Variants in CSGALNACT1 observed in about 807,000 individuals in gnomAD.
The protein encoded by CSGALNACT1 is chondroitin sulfate N-acetylgalactosaminyltransferase 1.
Under a neutral mutation model 51.0 loss-of-function variants are expected in CSGALNACT1, and 52 were observed. That is an observed-to-expected ratio of 1.02 (90% CI 0.82 to 1.29). The LOEUF (loss-of-function observed/expected upper bound fraction) is 1.29, where lower values mean the gene tolerates loss of function less well. CSGALNACT1 is among the 50% of genes most tolerant of loss of function. CSGALNACT1 has a pLI of 0.00. For synonymous variants in CSGALNACT1, 341 were observed against 254.4 expected (o/e 1.34, Z -3.24); for missense variants, 935 against 679.2 (o/e 1.38, Z -4.19).
intron 3 of CSGALNACT1, among the ~76,000 whole-genome samples, chr8:19,577,654 C>A (rs1468859430): frequency 6.6e-6 from 1 of 151,396 alleles, no homozygotes; most frequent in Non-Finnish European, 1.5e-5. Context: ...GTTAGCATGC[C>A]AGACAACGAA....
intron 1 of CSGALNACT1, among the ~76,000 whole-genome samples, chr8:19,733,368 T>A (rs1399718609): frequency 6.6e-6 from 1 of 152,216 alleles, no homozygotes; most frequent in Non-Finnish European, 1.5e-5. Context: ...TAATGTGGAA[T>A]TCTATTTAAG....
chr8:19,616,021 C>T (rs974544146), intron 1 of CSGALNACT1, among the ~76,000 whole-genome samples: 2 of 151,914 alleles, frequency 1.3e-5, no homozygotes, highest in South Asian at 2.1e-4. Flanking sequence ...AGGAAAATTA[C>T]CAAGACACTG....
chr8:19,637,452 A>C (rs2056224207), intron 1 of CSGALNACT1, among the ~76,000 whole-genome samples: 1 of 152,140 alleles, frequency 6.6e-6, no homozygotes, highest in East Asian at 1.9e-4. Flanking sequence ...TTGTATGATA[A>C]TGTCATAAGC....
chr8:19,462,602 G>T (rs987956062), intron 4 of CSGALNACT1, among the ~76,000 whole-genome samples: 1 of 152,158 alleles, frequency 6.6e-6, no homozygotes, highest in Non-Finnish European at 1.5e-5. Context: ...GCCATGGTCA[G>T]TGGTTCCAGG....
intron 1 of CSGALNACT1, among the ~76,000 whole-genome samples, chr8:19,699,045 C>CT (rs374865661): frequency 7.3e-5 from 11 of 151,532 alleles, no homozygotes; most frequent in Admixed American, 2.0e-4. Flanking sequence ...TTCTTTTTTT[C>CT]TTTTTTTTGC....
At chr8:19,694,245 G>A (rs2061474001) in intron 1 of CSGALNACT1, among the ~76,000 whole-genome samples, 1 of 152,112 alleles carries the variant, frequency 6.6e-6, no homozygotes, top group South Asian at 2.1e-4. Context: ...AAACTAAAGA[G>A]AGAACACAGT....
chr8:19,678,104 CA>C (rs2060328576), intron 1 of CSGALNACT1, among the ~76,000 whole-genome samples: 1 of 150,752 alleles, frequency 6.6e-6, no homozygotes, highest in Non-Finnish European at 1.5e-5. Flanking sequence ...ACTCTTATCT[CA>C]AACAAACAAA....
chr8:19,722,782 TC>T (rs1238862489), intron 1 of CSGALNACT1, among the ~76,000 whole-genome samples: 1 of 152,136 alleles, frequency 6.6e-6, no homozygotes, highest in Non-Finnish European at 1.5e-5. Flanking sequence ...CAGCACCAGC[TC>T]CTCTTTTGCA....
chr8:19,475,964 A>T (rs1247740555), intron 4 of CSGALNACT1, among the ~76,000 whole-genome samples: 3 of 152,156 alleles, frequency 2.0e-5, no homozygotes, highest in Non-Finnish European at 4.4e-5. Flanking sequence ...ACTAAATGAA[A>T]CATGACTTGC....
chr8:19,612,078 C>G (rs1181383832), intron 1 of CSGALNACT1, among the ~76,000 whole-genome samples: 2 of 152,152 alleles, frequency 1.3e-5, no homozygotes, highest in Non-Finnish European at 2.9e-5. Flanking sequence ...CACAGTGGTT[C>G]ACGCCTATAA....
chr8:19,476,656 C>T (rs1187750636), intron 4 of CSGALNACT1, among the ~76,000 whole-genome samples: 1 of 152,176 alleles, frequency 6.6e-6, no homozygotes, highest in African/African-American at 2.4e-5. Context: ...AGTGAGGCAA[C>T]ACAGCTTCCA....
chr8:19,561,303 A>G (rs1183906436), intron 3 of CSGALNACT1, among the ~76,000 whole-genome samples: 3 of 152,188 alleles, frequency 2.0e-5, no homozygotes, highest in Admixed American at 2.0e-4. Context: ...TTTTGTACAT[A>G]TTTTTGGTCT....
chr8:19,691,724 T>A (rs920292933), intron 1 of CSGALNACT1, among the ~76,000 whole-genome samples: 1 of 152,170 alleles, frequency 6.6e-6, no homozygotes, highest in African/African-American at 2.4e-5. Context: ...CCTCAGCTCC[T>A]CTGCTGTAAG....
chr8:19,485,325 T>C (rs900135424), intron 4 of CSGALNACT1, among the ~76,000 whole-genome samples: 8 of 152,100 alleles, frequency 5.3e-5, no homozygotes, highest in African/African-American at 1.4e-4. Context: ...ACCATGCTGC[T>C]CCTACCTTCA....
At chr8:19,622,532 TTAC>T (rs1214083162) in intron 1 of CSGALNACT1, among the ~76,000 whole-genome samples, 1 of 152,240 alleles carries the variant, frequency 6.6e-6, no homozygotes. Flanking sequence ...CCCATTCCTA[TTAC>T]TACATTTTAC....
intron 8 of CSGALNACT1, among the ~76,000 whole-genome samples, chr8:19,410,461 C>T (rs1179732673): frequency 1.3e-5 from 2 of 152,152 alleles, no homozygotes; most frequent in African/African-American, 4.8e-5. Flanking sequence ...GTTCCCTAAG[C>T]TTATGGGTAA....
chr8:19,703,951 T>A (rs1358905624), intron 1 of CSGALNACT1, among the ~76,000 whole-genome samples: 1 of 152,180 alleles, frequency 6.6e-6, no homozygotes, highest in African/African-American at 2.4e-5. Context: ...AGTGACATCT[T>A]TCCTGAGAGC....
intron 1 of CSGALNACT1, among the ~76,000 whole-genome samples, chr8:19,689,765 AAGAG>A (rs1213946166): frequency 6.6e-6 from 1 of 152,220 alleles, no homozygotes; most frequent in Non-Finnish European, 1.5e-5. Context: ...CTGAGAAATC[AAGAG>A]AGAGAGATGC....
At chr8:19,433,000 A>G (rs910573840) in intron 6 of CSGALNACT1, among the ~76,000 whole-genome samples, 10 of 152,088 alleles carry the variant, frequency 6.6e-5, no homozygotes, top group Non-Finnish European at 1.2e-4. Flanking sequence ...CACATGCCTC[A>G]TAATTTTTGC....
Sources: allele counts gnomAD v4.1 joint callset (sites outside exome capture counted in the v4.1 genomes callset), GRCh38; gene constraint gnomAD v4.1.1; transcripts MANE v1.5; gene names NCBI Gene and HGNC (gene_info 2026-07-23, HGNC 2026-07-21).